SHANK2: variants seen among roughly 807,000 people sequenced by gnomAD.
The protein encoded by SHANK2 is SH3 and multiple ankyrin repeat domains 2.
In SHANK2, 43 loss-of-function variants were observed where a neutral mutation model predicts 133.7. The ratio of observed to expected loss-of-function variants is 0.32; its 90% CI spans 0.25 to 0.41. The LOEUF is 0.41. SHANK2 is among the 10% of genes least tolerant of loss of function. The probability of loss-of-function intolerance (pLI) is 1.00; values close to 1 mark genes in which losing one functional copy is unlikely to be tolerated. For synonymous variants in SHANK2, 1,017 were observed against 952.8 expected (o/e 1.07, Z -1.24); for missense variants, 1,994 against 2,235.8 (o/e 0.89, Z 2.18).
chr11:70,953,016 C>T (rs77749136), intron 10 of SHANK2, among the ~76,000 whole-genome samples: 2 of 152,100 alleles, frequency 1.3e-5, no homozygotes, highest in African/African-American at 4.8e-5. Flanking sequence ...CCCCATCCCA[C>T]GTCCCAATCC....
intron 17 of SHANK2, among the ~76,000 whole-genome samples, chr11:70,533,006 CTT>C (rs1237238830): frequency 6.6e-6 from 1 of 152,204 alleles, no homozygotes; most frequent in East Asian, 1.9e-4. Flanking sequence ...AAGCACCCCA[CTT>C]TGCATGATTG....
chr11:70,894,269 C>A (rs1263697127), intron 11 of SHANK2, among the ~76,000 whole-genome samples: 1 of 152,110 alleles, frequency 6.6e-6, no homozygotes, highest in Non-Finnish European at 1.5e-5. Context: ...CTCACTGCAA[C>A]CTCTGCCTCC....
chr11:70,492,239 C>T (rs1591496618), intron 22 of SHANK2, 96 bp downstream of exon 22: 24 of 1,561,236 alleles, frequency 1.5e-5, no homozygotes, highest in Non-Finnish European at 2.0e-5. Context: ...ACGAACCAGA[C>T]ATGAAAGCGT....
intron 2 of SHANK2, among the ~76,000 whole-genome samples, chr11:71,205,849 A>G (rs1481536311): frequency 6.6e-6 from 1 of 152,224 alleles, no homozygotes; most frequent in East Asian, 1.9e-4. Flanking sequence ...GGGCCATGTC[A>G]AGAGTCGTTT....
At chr11:71,133,965 G>A (rs1442514438) in intron 3 of SHANK2, among the ~76,000 whole-genome samples, 3 of 147,172 alleles carry the variant, frequency 2.0e-5, no homozygotes, top group Non-Finnish European at 4.5e-5. Context: ...TCATTACGTT[G>A]CCCAGGTGAT....
At chr11:70,646,820 TTTTATTTATTTTATTTATTTATTTA>T (rs782128964) in intron 17 of SHANK2, among the ~76,000 whole-genome samples, 53 of 140,138 alleles carry the variant, frequency 3.8e-4, no homozygotes, top group Admixed American at 1.0e-3. Context: ...GGAATCTAAC[TTTTATTTATTTTATTTATTTATTTA>T]TTTATTTATT....
chr11:70,520,246 C>T (rs537272363), intron 17 of SHANK2, among the ~76,000 whole-genome samples: 23 of 152,212 alleles, frequency 1.5e-4, no homozygotes, highest in African/African-American at 5.5e-4. Flanking sequence ...ACATTTTATT[C>T]GGATTTCTCT....
At chr11:70,942,781 C>T (rs1950665452) in intron 10 of SHANK2, 1 of 456,576 alleles carries the variant, frequency 2.2e-6, no homozygotes, top group South Asian at 1.5e-5. Context: ...CTCCTTAACT[C>T]TGCACCAAGC....
chr11:70,640,211 C>T (rs1272252511), intron 17 of SHANK2, among the ~76,000 whole-genome samples: 1 of 152,180 alleles, frequency 6.6e-6, no homozygotes, highest in Non-Finnish European at 1.5e-5. Context: ...AGTTAAGGAC[C>T]TTGAGATGAG....
intron 18 of SHANK2, 139 bp downstream of exon 18, chr11:70,502,657 C>A: frequency 9.8e-7 from 1 of 1,020,302 alleles, no homozygotes; most frequent in Non-Finnish European, 1.4e-6. Context: ...TAAATTCCAG[C>A]CTCACCCCTG....
At chr11:70,771,653 G>A (rs368275459) in intron 14 of SHANK2, among the ~76,000 whole-genome samples, 161 of 152,190 alleles carry the variant, frequency 1.1e-3, no homozygotes, top group South Asian at 6.0e-3. Flanking sequence ...GCGTGGAGCC[G>A]CGCTGGGGGC....
At chr11:70,792,792 A>G (rs1296606764) in intron 14 of SHANK2, among the ~76,000 whole-genome samples, 1 of 152,192 alleles carries the variant, frequency 6.6e-6, no homozygotes, top group African/African-American at 2.4e-5. Context: ...CATCAAAAAA[A>G]GCTACAAAAA....
chr11:70,773,570 C>T (rs781845980), intron 14 of SHANK2, among the ~76,000 whole-genome samples: 3 of 152,180 alleles, frequency 2.0e-5, no homozygotes, highest in Non-Finnish European at 2.9e-5. Context: ...GTGGGATAGA[C>T]TCAGGAGTGA....
chr11:70,579,096 C>T (rs998935044), intron 17 of SHANK2, among the ~76,000 whole-genome samples: 2 of 152,198 alleles, frequency 1.3e-5, no homozygotes, highest in African/African-American at 2.4e-5. Flanking sequence ...CAGGGCTGCA[C>T]ACCCTAGGCC....
chr11:70,496,580 C>A (rs1591503484), intron 21 of SHANK2, among the ~76,000 whole-genome samples: 1 of 152,210 alleles, frequency 6.6e-6, no homozygotes, highest in Non-Finnish European at 1.5e-5. Context: ...CTGGGCCGAT[C>A]ATCCTGTTTC....
intron 11 of SHANK2, among the ~76,000 whole-genome samples, chr11:70,884,948 T>G (rs1015755173): frequency 1.3e-5 from 2 of 152,172 alleles, no homozygotes; most frequent in African/African-American, 2.4e-5. Flanking sequence ...CTTGAACTCC[T>G]GACCTCAGGC....
chr11:71,164,543 C>T lies in SHANK2; in HGVS notation c.-12-17205G>A, dbSNP rs565111869. Among the ~76,000 whole-genome samples the T allele has an allele frequency of 1.2e-3, 176 of 152,318 alleles. 1 individual carries two copies. The highest frequency in any genetic ancestry group is 3.9e-3 in the African/African-American group (162 of 41,572). Reference sequence around the variant, plus strand: ...ATGGGGCCTCATGACAGCTGCCGCACCTTCTAAACTATGGGTTACCAGAAA... The same window carrying T: ...ATGGGGCCTCATGACAGCTGCCGCATCTTCTAAACTATGGGTTACCAGAAA... On this transcript the variant is annotated intron_variant, in intron 2 of 25. Coordinates refer to ENST00000601538, the MANE Select transcript of SHANK2 (RefSeq NM_012309.5).
chr11:70,831,874 G>A (rs983952766), intron 11 of SHANK2, among the ~76,000 whole-genome samples: 2 of 152,206 alleles, frequency 1.3e-5, no homozygotes, highest in African/African-American at 4.8e-5. Flanking sequence ...GAGTCAAGAC[G>A]CAGGTTTGGG....
intron 14 of SHANK2, among the ~76,000 whole-genome samples, chr11:70,795,683 G>C (rs1947895215): frequency 6.6e-6 from 1 of 152,174 alleles, no homozygotes; most frequent in Admixed American, 6.5e-5. Flanking sequence ...TGGGATTACA[G>C]GTGTGAGTCA....
Sources: gnomAD v4.1 joint callset for allele counts (sites outside exome capture counted in the v4.1 genomes callset) on GRCh38, gnomAD v4.1.1 for gene constraint, MANE v1.5 for transcripts, NCBI Gene and HGNC (gene_info 2026-07-23, HGNC 2026-07-21) for gene names.